Variants in GABBR2 observed in about 807,000 individuals in gnomAD.
GABBR2 encodes the protein G-protein coupled receptor 51.
Under a neutral mutation model 105.6 loss-of-function variants are expected in GABBR2, and 23 were observed. The observed-to-expected ratio is 0.22, with a 90% confidence interval of 0.16 to 0.31. The LOEUF (loss-of-function observed/expected upper bound fraction) is 0.31, where lower values mean the gene tolerates loss of function less well. Ranked by LOEUF, GABBR2 falls within the 10% of genes least tolerant of loss-of-function variation. The probability of loss-of-function intolerance (pLI) is 1.00; values close to 1 mark genes in which losing one functional copy is unlikely to be tolerated. For missense variants in GABBR2, 734 were observed against 1,245.5 expected, an observed-to-expected ratio of 0.59 and a Z score of 6.18; for synonymous variants, 478 against 499.7, an observed-to-expected ratio of 0.96 and a Z score of 0.58.
intron 12 of GABBR2, among the ~76,000 whole-genome samples, chr9:98,365,163 T>C (rs1388109867): frequency 2.0e-5 from 3 of 152,246 alleles, no homozygotes; most frequent in Non-Finnish European, 2.9e-5. Context: ...AGCGTGATCT[T>C]GAGCAAGCTG....
At chr9:98,672,430 C>T (rs915496951) in intron 1 of GABBR2, among the ~76,000 whole-genome samples, 2 of 152,202 alleles carry the variant, frequency 1.3e-5, no homozygotes, top group African/African-American at 4.8e-5. Flanking sequence ...TACTGACCAG[C>T]AAAAAGCATA....
intron 1 of GABBR2, among the ~76,000 whole-genome samples, chr9:98,658,389 T>TTGAATGAATGAA (rs3032163): frequency 5.3e-5 from 8 of 149,706 alleles, no homozygotes; most frequent in Non-Finnish European, 1.0e-4. Context: ...AGCCACTGTG[T>TTGAATGAATGAA]TGAATGAATG....
At chr9:98,477,091 A>G (rs1278430498) in intron 5 of GABBR2, among the ~76,000 whole-genome samples, 1 of 152,116 alleles carries the variant, frequency 6.6e-6, no homozygotes. Context: ...CTCCTCTGCC[A>G]GTTGGGGAGT....
intron 1 of GABBR2, among the ~76,000 whole-genome samples, chr9:98,621,498 G>A (rs1829670262): frequency 6.6e-6 from 1 of 152,184 alleles, no homozygotes; most frequent in African/African-American, 2.4e-5. Flanking sequence ...GTCAGCTAGT[G>A]TTCACAGAGC....
chr9:98,463,159 G>C (rs1371779684), intron 6 of GABBR2, among the ~76,000 whole-genome samples: 1 of 152,182 alleles, frequency 6.6e-6, no homozygotes, highest in Non-Finnish European at 1.5e-5. Flanking sequence ...CAAGTGCTGG[G>C]ATTACAAGTG....
chr9:98,523,688 A>G (rs1479334538), intron 3 of GABBR2, among the ~76,000 whole-genome samples: 1 of 152,190 alleles, frequency 6.6e-6, no homozygotes, highest in Non-Finnish European at 1.5e-5. Context: ...CAGTGGGACC[A>G]GTGTCCACAG....
At chr9:98,413,061 A>G (rs545747730) in intron 7 of GABBR2, among the ~76,000 whole-genome samples, 10 of 152,254 alleles carry the variant, frequency 6.6e-5, no homozygotes, top group East Asian at 1.9e-4. Context: ...CTTTTCCCCA[A>G]TTGGAAGTTG....
At chr9:98,482,794 T>A (rs529384414) in intron 4 of GABBR2, among the ~76,000 whole-genome samples, 1 of 152,252 alleles carries the variant, frequency 6.6e-6, no homozygotes, top group East Asian at 1.9e-4. Context: ...CAATTCATCA[T>A]AATGAAACTC....
intron 17 of GABBR2, among the ~76,000 whole-genome samples, chr9:98,294,869 T>C (rs931518387): frequency 1.3e-5 from 2 of 152,222 alleles, no homozygotes; most frequent in Admixed American, 6.5e-5. Context: ...GGACCTCCAT[T>C]CAAAATAATA....
intron 1 of GABBR2, among the ~76,000 whole-genome samples, chr9:98,626,839 A>G (rs1354242397): frequency 6.6e-6 from 1 of 152,162 alleles, no homozygotes; most frequent in Non-Finnish European, 1.5e-5. Flanking sequence ...AACGAGCACT[A>G]ATTTCTGCCT....
intron 13 of GABBR2, among the ~76,000 whole-genome samples, chr9:98,350,322 G>A (rs1391319751): frequency 6.6e-6 from 1 of 151,746 alleles, no homozygotes; most frequent in Non-Finnish European, 1.5e-5. Flanking sequence ...GTCCCTTGAG[G>A]TGCATCATTA....
chr9:98,393,362 T>C (rs1201532867), intron 9 of GABBR2, among the ~76,000 whole-genome samples: 1 of 146,872 alleles, frequency 6.8e-6, no homozygotes, highest in East Asian at 2.0e-4. Context: ...CATCCATCCA[T>C]CCATCCACAC....
intron 2 of GABBR2, among the ~76,000 whole-genome samples, chr9:98,545,102 C>T (rs890447113): frequency 6.6e-6 from 1 of 152,152 alleles, no homozygotes; most frequent in African/African-American, 2.4e-5. Flanking sequence ...ATTTCTTAAT[C>T]ACACTCTGGT....
intron 2 of GABBR2, among the ~76,000 whole-genome samples, chr9:98,568,171 C>A (rs765141206): frequency 6.6e-5 from 10 of 152,132 alleles, no homozygotes; most frequent in Admixed American, 3.3e-4. Context: ...AGTGATACCC[C>A]AGGCCAACTC....
At chr9:98,643,116 G>C (rs1588265813) in intron 1 of GABBR2, among the ~76,000 whole-genome samples, 2 of 152,246 alleles carry the variant, frequency 1.3e-5, no homozygotes, top group Admixed American at 6.5e-5. Flanking sequence ...AATCCAGGGG[G>C]CACTGTTGAG....
intron 12 of GABBR2, among the ~76,000 whole-genome samples, chr9:98,367,545 G>A (rs566315568): frequency 6.6e-6 from 1 of 152,282 alleles, no homozygotes; most frequent in African/African-American, 2.4e-5. Context: ...TTTGGAGATG[G>A]ATGGTGATGA....
intron 7 of GABBR2, among the ~76,000 whole-genome samples, chr9:98,447,063 C>CTTTTTTTTTTTTTTTTTTTTTTT (rs369338702): frequency 1.7e-5 from 2 of 116,338 alleles, no homozygotes; most frequent in Non-Finnish European, 3.4e-5. Flanking sequence ...AAAAAGACTT[C>CTTTTTTTTTTTTTTTTTTTTTTT]TTTTTTTTTT....
intron 11 of GABBR2, among the ~76,000 whole-genome samples, chr9:98,379,333 A>T (rs1477719148): frequency 6.6e-6 from 1 of 152,082 alleles, no homozygotes; most frequent in Non-Finnish European, 1.5e-5. Flanking sequence ...CAGTGGCACG[A>T]TCTTGGCTCA....
At chr9:98,598,602 C>T (rs747751283) in intron 1 of GABBR2, among the ~76,000 whole-genome samples, 4 of 128,134 alleles carry the variant, frequency 3.1e-5, no homozygotes, top group Non-Finnish European at 4.7e-5. Flanking sequence ...AATCCCCAAA[C>T]GTGCGTAACC....
Sources: gnomAD v4.1 joint callset for allele counts (sites outside exome capture counted in the v4.1 genomes callset) on GRCh38, gnomAD v4.1.1 for gene constraint, MANE v1.5 for transcripts, NCBI Gene and HGNC (gene_info 2026-07-23, HGNC 2026-07-21) for gene names.